FAM174B: variants seen among roughly 807,000 people sequenced by gnomAD.
FAM174B encodes membrane protein FAM174B.
In FAM174B, 12 loss-of-function variants were observed where a neutral mutation model predicts 10.9. The observed-to-expected ratio is 1.10, with a 90% CI of 0.71 to 1.79. FAM174B has a LOEUF of 1.79. FAM174B is among the 40% of genes most tolerant of loss of function. FAM174B has a pLI of 0.00. For synonymous variants in FAM174B, 132 were observed against 115.8 expected (o/e 1.14, Z -0.90); for missense variants, 266 against 233.3 (o/e 1.14, Z -0.91).
intron 1 of FAM174B, among the ~76,000 whole-genome samples, chr15:92,640,551 C>CAAAAAAAAAA (rs60865026): frequency 1.5e-5 from 1 of 67,668 alleles, no homozygotes; most frequent in African/African-American, 5.7e-5. Context: ...GACTCCATCT[C>CAAAAAAAAAA]AAAAAAAAAA....
intron 2 of FAM174B, chr15:92,619,764 T>C: frequency 2.2e-6 from 1 of 449,772 alleles, no homozygotes; most frequent in Non-Finnish European, 4.0e-6. Flanking sequence ...ACACTAGGGG[T>C]TGGAAAACTT....
Position 92,618,001 on chromosome 15 carries a change from G to A in FAM174B, c.*1455C>T, listed in dbSNP as rs755141470. ...CAGGCGGAGGCTGCCGAGCTCCCAT[G>A]CCCCTTCCCACATATCCCAACTCTT... On this transcript the variant is annotated 3_prime_UTR_variant, in exon 3 of 3. Coordinates refer to ENST00000327355, the MANE Select transcript of FAM174B (RefSeq NM_207446.3). 6 of 318,874 alleles carry A rather than the reference G, an allele frequency of 1.9e-5. No homozygotes were observed. Among genetic ancestry groups the A allele is most frequent in the Non-Finnish European group, 2.8e-5 (5 of 175,864 alleles). The allele number at this position is 318,874 out of a possible 1,614,324, so 19.8% of individuals were successfully genotyped here. A position where few individuals can be genotyped will look rare whatever the true frequency, so the allele number is the denominator to read the frequency against.
chr15:92,641,088 CT>C (rs1403396726), intron 1 of FAM174B, among the ~76,000 whole-genome samples: 1 of 149,960 alleles, frequency 6.7e-6, no homozygotes. Context: ...ACACACAAAC[CT>C]AAATGGCTCC....
rs1416900569 is a variant in FAM174B at position 92,630,297 on chromosome 15, A to AGTGGTGAT, written c.385_392dup (p.Pro132SerfsTer13). On this transcript the variant is annotated frameshift_variant, in exon 2 of 3. Coordinates refer to ENST00000327355, the MANE Select transcript of FAM174B (RefSeq NM_207446.3). LOFTEE classifies it high-confidence loss of function. The stretch of plus-strand genomic sequence containing the variant: ...GCGCCATTTCCACTCGCTCTGCTGG[A>AGTGGTGAT]GTGGTGATGATATCATACTTGCGTG... 1 of 1,613,518 alleles carries AGTGGTGAT rather than the reference A, an allele frequency of 6.2e-7. No individual in the cohort carries two copies. Among genetic ancestry groups the AGTGGTGAT allele is most frequent in the Non-Finnish European group, 8.5e-7 (1 of 1,179,746 alleles).
At position 92,619,003 on chromosome 15, in the gene FAM174B, G is replaced by A. The variant is rs1392087011; in HGVS notation, c.*453C>T. ...AAAAAGCAGCAAAGGATCAGATGGG[G>A]TCCAATGTGTAGATCCAGTAGAGAA... On this transcript the variant is annotated 3_prime_UTR_variant, in exon 3 of 3. Transcript: ENST00000327355. The A allele has an allele frequency of 1.8e-5, 11 of 599,338 alleles. No homozygotes were observed. Among genetic ancestry groups the A allele is most frequent in the South Asian group, 4.1e-5 (2 of 49,112 alleles). The allele number at this position is 599,338 out of a possible 1,614,324, so 37.1% of individuals were successfully genotyped here.
chr15:92,649,693 G>A (rs1013481235), intron 1 of FAM174B, among the ~76,000 whole-genome samples: 1 of 152,098 alleles, frequency 6.6e-6, no homozygotes, highest in Non-Finnish European at 1.5e-5. Flanking sequence ...CGAGATTCTC[G>A]GCATCTCTCA....
At chr15:92,623,286 A>G (rs919990190) in intron 2 of FAM174B, among the ~76,000 whole-genome samples, 10 of 152,064 alleles carry the variant, frequency 6.6e-5, no homozygotes, top group Non-Finnish European at 1.0e-4. Context: ...TACCAACTAG[A>G]CATGTGCTAG....
chr15:92,644,348 G>C (rs1381916176), intron 1 of FAM174B, among the ~76,000 whole-genome samples: 1 of 152,132 alleles, frequency 6.6e-6, no homozygotes, highest in East Asian at 1.9e-4. Context: ...AAGCCACTGA[G>C]AGGCAAACAC....
chr15:92,630,355 A>T lies in FAM174B; in HGVS notation c.345-10T>A, dbSNP rs1473318569. The T allele has an allele frequency of 1.2e-6, 2 of 1,605,708 alleles. No individual in the cohort carries two copies. The highest frequency in any genetic ancestry group is 1.7e-6 in the Non-Finnish European group (2 of 1,175,618). On this transcript the variant is annotated splice_polypyrimidine_tract_variant and intron_variant, in intron 1 of 2. Coordinates refer to ENST00000327355, the MANE Select transcript of FAM174B (RefSeq NM_207446.3). ...TAACCTCTTTCCCGACCTGCAGGAG[A>T]AGAAGCACATTCATGAGAACACAGC... is the stretch of plus-strand genomic sequence containing the variant.
At chr15:92,644,826 C>T (rs1242305805) in intron 1 of FAM174B, among the ~76,000 whole-genome samples, 2 of 152,218 alleles carry the variant, frequency 1.3e-5, no homozygotes, top group Non-Finnish European at 2.9e-5. Context: ...GGAGTGGCAG[C>T]CACCAAGCTC....
chr15:92,634,053 C>T (rs935638836), intron 1 of FAM174B, among the ~76,000 whole-genome samples: 6 of 152,194 alleles, frequency 3.9e-5, no homozygotes, highest in Admixed American at 6.5e-5. Context: ...GGACAAGTTG[C>T]GGCTGTCTGG....
chr15:92,631,434 T>TATTATATATATA (rs1555421178), intron 1 of FAM174B, among the ~76,000 whole-genome samples: 2 of 35,768 alleles, frequency 5.6e-5, no homozygotes, highest in Non-Finnish European at 9.0e-5. Context: ...TATAATATAA[T>TATTATATATATA]ATATTATATA....
chr15:92,650,348 A>G (rs905633148), intron 1 of FAM174B, among the ~76,000 whole-genome samples: 2 of 152,226 alleles, frequency 1.3e-5, no homozygotes, highest in African/African-American at 4.8e-5. Flanking sequence ...GCAATGTCAG[A>G]CCGCTTAGAA....
chr15:92,648,588 A>G (rs908128633), intron 1 of FAM174B, among the ~76,000 whole-genome samples: 3 of 152,178 alleles, frequency 2.0e-5, no homozygotes, highest in African/African-American at 7.2e-5. Context: ...AAACTCACTC[A>G]GTGACCTTCA....
intron 2 of FAM174B, among the ~76,000 whole-genome samples, chr15:92,629,550 C>T (rs574527548): frequency 7.7e-4 from 117 of 152,328 alleles, no homozygotes; most frequent in Admixed American, 2.5e-3. Flanking sequence ...CTGCTTGGGC[C>T]GGACCCCTGA....
At chr15:92,644,125 A>G (rs151063123) in intron 1 of FAM174B, among the ~76,000 whole-genome samples, 1 of 152,148 alleles carries the variant, frequency 6.6e-6, no homozygotes, top group East Asian at 1.9e-4. Context: ...AATGAAGAAC[A>G]TGACTCAGAA....
chr15:92,643,572 A>G (rs115505798), intron 1 of FAM174B, among the ~76,000 whole-genome samples: 1,660 of 152,284 alleles, frequency 0.011, 41 homozygotes, highest in African/African-American at 0.038. Context: ...CCAAGTATAT[A>G]AATACAATTC....
At chr15:92,632,104 A>T (rs533603931) in intron 1 of FAM174B, among the ~76,000 whole-genome samples, 10 of 152,354 alleles carry the variant, frequency 6.6e-5, no homozygotes, top group Admixed American at 3.3e-4. Context: ...ATAAATAAAG[A>T]GGAATTAAAT....
At position 92,617,751 on chromosome 15, in the gene FAM174B, T is replaced by G. The variant is rs537456024; in HGVS notation, c.*1705A>C. On this transcript the variant is annotated 3_prime_UTR_variant, in exon 3 of 3. Coordinates refer to ENST00000327355, the MANE Select transcript of FAM174B (RefSeq NM_207446.3). Reference sequence around the variant, plus strand: ...CTGAGTACACCGTGGAGAGGAGAGATAAAGCAGCCACGGCTGTTCTGTTGC... The same window carrying G: ...CTGAGTACACCGTGGAGAGGAGAGAGAAAGCAGCCACGGCTGTTCTGTTGC... 134 of 595,054 alleles carry G rather than the reference T, an allele frequency of 2.3e-4. No individual in the cohort carries two copies. Among genetic ancestry groups the G allele is most frequent in the South Asian group, 1.9e-3 (100 of 51,956 alleles). 36.9% of individuals were successfully genotyped at this position (595,054 alleles called of 1,614,324 possible).
Sources: allele counts gnomAD v4.1 joint callset (sites outside exome capture counted in the v4.1 genomes callset), GRCh38; gene constraint gnomAD v4.1.1; transcripts MANE v1.5; gene names NCBI Gene and HGNC (gene_info 2026-07-23, HGNC 2026-07-21).